The following KAZN variants were observed in gnomAD, a reference collection of about 807,000 sequenced individuals.
KAZN encodes the protein kazrin.
Under a neutral mutation model 87.4 loss-of-function variants are expected in KAZN, and 40 were observed. That is an observed-to-expected ratio of 0.46 (90% CI 0.36 to 0.60). KAZN has a LOEUF of 0.60. Ranked by LOEUF, KAZN falls within the 20% of genes least tolerant of loss-of-function variation. The pLI is 0.00. For missense variants in KAZN, 898 were observed against 1,073.9 expected (o/e 0.84, Z 2.29); for synonymous variants, 466 against 458.3 (o/e 1.02, Z -0.22).
intron 1 of KAZN, among the ~76,000 whole-genome samples, chr1:13,932,985 A>G (rs1479468031): frequency 6.6e-6 from 1 of 152,192 alleles, no homozygotes; most frequent in East Asian, 1.9e-4. Flanking sequence ...ACTACAGAGA[A>G]TTCCTACACA....
intron 1 of KAZN, among the ~76,000 whole-genome samples, chr1:14,073,304 G>A (rs1167698729): frequency 3.9e-5 from 6 of 152,118 alleles, no homozygotes; most frequent in Non-Finnish European, 2.9e-5. Context: ...TAGTGTACCA[G>A]GAATCAATGC....
chr1:14,561,572 A>C (rs1442588099), intron 2 of KAZN, among the ~76,000 whole-genome samples: 1 of 152,110 alleles, frequency 6.6e-6, no homozygotes, highest in East Asian at 1.9e-4. Context: ...CTGGAGTTAC[A>C]GTCAATACTG....
chr1:14,742,764 A>G (rs1443144716), intron 1 of KAZN, among the ~76,000 whole-genome samples: 1 of 152,200 alleles, frequency 6.6e-6, no homozygotes, highest in Non-Finnish European at 1.5e-5. Flanking sequence ...GCACAGTTCA[A>G]AACCCATTTG....
chr1:14,590,010 G>A (rs1381517197), intron 2 of KAZN, among the ~76,000 whole-genome samples: 1 of 152,034 alleles, frequency 6.6e-6, no homozygotes, highest in African/African-American at 2.4e-5. Flanking sequence ...GAGCAAAGTA[G>A]GGCGATAAAG....
chr1:14,280,889 T>A (rs1652796451), intron 2 of KAZN, among the ~76,000 whole-genome samples: 1 of 152,204 alleles, frequency 6.6e-6, no homozygotes, highest in African/African-American at 2.4e-5. Flanking sequence ...ACTGTTATGA[T>A]TCCTATTTTA....
At chr1:14,514,196 G>A in intron 2 of KAZN, among the ~76,000 whole-genome samples, 1 of 142,034 alleles carries the variant, frequency 7.0e-6, no homozygotes, top group East Asian at 2.1e-4. Context: ...GTGGTGGCAG[G>A]CGCCTATGGT....
chr1:14,845,465 CTGAG>C (rs1057229620), intron 1 of KAZN, among the ~76,000 whole-genome samples: 16 of 142,920 alleles, frequency 1.1e-4, no homozygotes, highest in Non-Finnish European at 2.3e-4. Context: ...GGATGGATGA[CTGAG>C]TGGTGGATGG....
At chr1:14,079,759 G>GA in intron 1 of KAZN, among the ~76,000 whole-genome samples, 1 of 152,170 alleles carries the variant, frequency 6.6e-6, no homozygotes, top group East Asian at 1.9e-4. Flanking sequence ...GAGCAAATGG[G>GA]AAAAGAGTTA....
intron 1 of KAZN, among the ~76,000 whole-genome samples, chr1:14,688,825 G>A (rs1278788266): frequency 6.6e-6 from 1 of 152,210 alleles, no homozygotes; most frequent in African/African-American, 2.4e-5. Context: ...AATATGCATA[G>A]TCCCTTTCAC....
At chr1:14,919,734 C>T (rs757189354) in intron 1 of KAZN, among the ~76,000 whole-genome samples, 2 of 152,288 alleles carry the variant, frequency 1.3e-5, no homozygotes, top group Admixed American at 6.5e-5. Flanking sequence ...ATGGATCGAT[C>T]GCATATCTGA....
intron 1 of KAZN, among the ~76,000 whole-genome samples, chr1:14,618,809 G>T (rs368874722): frequency 2.0e-5 from 3 of 152,226 alleles, no homozygotes; most frequent in East Asian, 3.8e-4. Context: ...TATGTGCAAG[G>T]TATGTAAAAG....
At chr1:14,527,471 C>G (rs1046457407) in intron 2 of KAZN, among the ~76,000 whole-genome samples, 25 of 151,558 alleles carry the variant, frequency 1.6e-4, no homozygotes, top group African/African-American at 6.1e-4. Context: ...ATCACTTGAA[C>G]CCAGGAAGTG....
chr1:14,983,520 G>A (rs956099200), intron 2 of KAZN, among the ~76,000 whole-genome samples: 1 of 72,854 alleles, frequency 1.4e-5, no homozygotes, highest in East Asian at 3.3e-4. Context: ...TGACCCCTGT[G>A]GGGGGAGCAA....
chr1:14,001,917 G>A (rs1254475388), intron 1 of KAZN, among the ~76,000 whole-genome samples: 1 of 152,068 alleles, frequency 6.6e-6, no homozygotes, highest in Non-Finnish European at 1.5e-5. Context: ...AACCTAGACA[G>A]TACCATTCAG....
At chr1:15,016,301 T>A (rs1453759217) in intron 2 of KAZN, among the ~76,000 whole-genome samples, 1 of 152,202 alleles carries the variant, frequency 6.6e-6, no homozygotes. Context: ...TTTTTGTTTT[T>A]TGAGACAGAG....
At position 14,703,795 on chromosome 1, in the gene KAZN, G is replaced by A. The variant is rs1259368150; in HGVS notation, c.226+104572G>A. ...CTCAGGAGGCCAAACCAGAGGAGTT[G>A]TTGAGCCCAGGAGGTCAAGGCTGCA... is the stretch of plus-strand genomic sequence containing the variant. On this transcript the variant is annotated intron_variant, in intron 1 of 14. Transcript: ENST00000376030. Among the ~76,000 whole-genome samples the A allele has an allele frequency of 2.0e-5, 3 of 152,190 alleles. No homozygotes were observed. In the East Asian group the frequency reaches 5.8e-4, roughly 29 times the overall value.
At chr1:14,968,819 G>C (rs1052432582) in intron 2 of KAZN, among the ~76,000 whole-genome samples, 1 of 152,184 alleles carries the variant, frequency 6.6e-6, no homozygotes, top group East Asian at 1.9e-4. Context: ...AATGTTCCCT[G>C]AAAGCTTCCC....
At chr1:14,970,847 C>T (rs1664951637) in intron 2 of KAZN, among the ~76,000 whole-genome samples, 1 of 152,204 alleles carries the variant, frequency 6.6e-6, no homozygotes, top group Non-Finnish European at 1.5e-5. Context: ...AAACATTTAC[C>T]AGAGCTCAAC....
intron 1 of KAZN, among the ~76,000 whole-genome samples, chr1:14,058,448 A>G (rs528468516): frequency 6.6e-6 from 1 of 152,312 alleles, no homozygotes; most frequent in Admixed American, 6.5e-5. Flanking sequence ...ATATATAAAG[A>G]AGAAGAAAAA....
Sources: gnomAD v4.1 joint callset for allele counts (sites outside exome capture counted in the v4.1 genomes callset) on GRCh38, gnomAD v4.1.1 for gene constraint, MANE v1.5 for transcripts, NCBI Gene and HGNC (gene_info 2026-07-23, HGNC 2026-07-21) for gene names.